ZNF236: variants seen among roughly 807,000 people sequenced by gnomAD.
ZNF236 encodes regulated by glucose.
In ZNF236, 50 loss-of-function variants were observed where a neutral mutation model predicts 191.2. That is an observed-to-expected ratio of 0.26 (90% CI 0.21 to 0.33). The LOEUF is 0.33. Among genes scored for constraint, ZNF236 ranks in the 10% least tolerant of loss-of-function variants. The probability of loss-of-function intolerance (pLI) is 1.00; values close to 1 mark genes in which losing one functional copy is unlikely to be tolerated. For missense variants in ZNF236, 1,754 were observed against 2,374.5 expected, an observed-to-expected ratio of 0.74 and a Z score of 5.43; for synonymous variants, 907 against 928.8, an observed-to-expected ratio of 0.98 and a Z score of 0.43.
rs1968027902 is a variant in ZNF236 at position 76,937,285 on chromosome 18, A to G, written c.4724A>G (p.Asp1575Gly). 6.2e-7 allele frequency: 1 copy of G among 1,614,008 alleles called. No homozygotes were observed. Among genetic ancestry groups the G allele is most frequent in the Non-Finnish European group, 8.5e-7 (1 of 1,180,042 alleles). Residue 1575 changes from aspartate to glycine, a missense_variant, in exon 26 of 31, where the codon GAT (aspartate) becomes GGT (glycine). Around this residue, in one of 5 missense-constraint regions of ZNF236, gnomAD observed 606 missense variants for 761.5 expected, o/e 0.80. Coordinates refer to ENST00000320610, the MANE Select transcript of ZNF236 (RefSeq NM_001306089.2). ...GDASVTLTLA[D>G]TQGMLSGGLD... ...GCTAGTGTCACGCTGACGCTGGCCG[A>G]TACTCAGGGTATGCTATCTGGAGGC...
At chr18:76,964,790 A>G (rs1295414014) in intron 30 of ZNF236, among the ~76,000 whole-genome samples, 4 of 152,248 alleles carry the variant, frequency 2.6e-5, no homozygotes, top group South Asian at 4.1e-4. Context: ...TTCCTGTTGG[A>G]CAACGCCTTT....
At chr18:76,963,799 A>G (rs1207574541) in intron 30 of ZNF236, among the ~76,000 whole-genome samples, 1 of 152,114 alleles carries the variant, frequency 6.6e-6, no homozygotes, top group African/African-American at 2.4e-5. Flanking sequence ...GATTTAAGCT[A>G]GGAGGGTTGT....
intron 12 of ZNF236, 69 bp downstream of exon 12, chr18:76,904,590 G>A: frequency 7.0e-7 from 1 of 1,426,770 alleles, no homozygotes; most frequent in Middle Eastern, 2.3e-4. Context: ...ATGACGTCTA[G>A]AAGTATTTAG....
chr18:76,908,630 C>T (rs1438948135), intron 14 of ZNF236, 57 bp downstream of exon 14: 1 of 1,551,830 alleles, frequency 6.4e-7, no homozygotes, highest in African/African-American at 1.4e-5. Flanking sequence ...TGCAGCCTTT[C>T]CCACTCATTG....
Position 76,937,192 on chromosome 18 carries a change from C to T in ZNF236, c.4631C>T (p.Thr1544Ile). 6.2e-7 allele frequency: 1 copy of T among 1,614,182 alleles called. No homozygotes were observed. Among genetic ancestry groups the T allele is most frequent in the Non-Finnish European group, 8.5e-7 (1 of 1,180,008 alleles). ...ACAAGCGGAAGCCTTCCTTCAACAA[C>T]ACCGATGTCTCCATCGGCCATCTCG... ...NTTSGSLPSTTPMSPSAISTQ... is the reference protein window; with the variant it reads ...NTTSGSLPSTIPMSPSAISTQ... The change falls in exon 26 of 31, where the codon ACA (threonine) becomes ATA (isoleucine). Residue 1544 changes from threonine to isoleucine, a missense_variant. Physicochemically the swap from Thr to Ile is moderately conservative, Grantham distance 89. Around this residue, in one of 5 missense-constraint regions of ZNF236, gnomAD observed 606 missense variants for 761.5 expected, o/e 0.80. Transcript: ENST00000320610.
Position 76,928,001 on chromosome 18 carries a change from C to T in ZNF236, c.4489C>T (p.Leu1497=). The change falls in exon 25 of 31, where the codon CTG becomes TTG. Residue 1497 remains leucine, a synonymous_variant. Coordinates refer to ENST00000320610, the MANE Select transcript of ZNF236 (RefSeq NM_001306089.2). ...SPSGGPHEIT[L]TINNSSLSQV... ...CTCCGGCGGTCCCCACGAGATCACCCTGACCATTAACAACTCCAGCCTGAG... is the reference window on the plus strand; with the variant it reads ...CTCCGGCGGTCCCCACGAGATCACCTTGACCATTAACAACTCCAGCCTGAG... 1.2e-6 allele frequency: 2 copies of T among 1,614,030 alleles called. No individual in the cohort carries two copies. The highest frequency in any genetic ancestry group is 1.1e-5 in the South Asian group (1 of 91,066).
At chr18:76,967,555 G>GT (rs376177012) in intron 30 of ZNF236, among the ~76,000 whole-genome samples, 1 of 73,962 alleles carries the variant, frequency 1.4e-5, no homozygotes, top group Non-Finnish European at 2.7e-5. Context: ...TTGTGATTTG[G>GT]TGTTGGAGGT....
chr18:76,853,026 A>G (rs763413456), intron 3 of ZNF236, among the ~76,000 whole-genome samples: 2 of 152,046 alleles, frequency 1.3e-5, no homozygotes, highest in Non-Finnish European at 2.9e-5. Flanking sequence ...ATTGTAAATC[A>G]GGGAGCACCT....
At chr18:76,926,014 C>G (rs928858587) in intron 22 of ZNF236, among the ~76,000 whole-genome samples, 1 of 152,268 alleles carries the variant, frequency 6.6e-6, no homozygotes, top group East Asian at 1.9e-4. Context: ...ACATGGCAGT[C>G]AGATGTCCTG....
rs759932345 is a variant in ZNF236, at chr18:76,880,350, G to A, written c.1188+34G>A. On this transcript the variant is annotated intron_variant, in intron 8 of 30. Coordinates refer to ENST00000320610, the MANE Select transcript of ZNF236 (RefSeq NM_001306089.2). This position sits in a 1 kb window ranked among gnomAD's most constrained non-coding sequence, Gnocchi z 5.0. ...CGCTTCCCTGCGGTGTGAGGCTTAC[G>A]TGCTCGTGCTGGGTCAGAAACCAGG... 1.8e-5 allele frequency: 29 copies of A among 1,569,184 alleles called. No individual in the cohort carries two copies. Among genetic ancestry groups the A allele is most frequent in the Non-Finnish European group, 2.4e-5 (28 of 1,151,420 alleles).
intron 1 of ZNF236, among the ~76,000 whole-genome samples, chr18:76,842,454 T>TTA: frequency 6.6e-6 from 1 of 151,492 alleles, no homozygotes; most frequent in Admixed American, 6.6e-5. Flanking sequence ...TTTTTTTTTT[T>TTA]AAGAAGTGAT....
At chr18:76,926,654 G>T (rs911310508) in intron 22 of ZNF236, among the ~76,000 whole-genome samples, 2 of 148,434 alleles carry the variant, frequency 1.3e-5, no homozygotes, top group African/African-American at 5.0e-5. Flanking sequence ...GGTATAAAGG[G>T]TGATTAGACT....
intron 3 of ZNF236, among the ~76,000 whole-genome samples, chr18:76,862,485 G>A (rs2122567571): frequency 6.6e-6 from 1 of 152,232 alleles, no homozygotes; most frequent in African/African-American, 2.4e-5. Context: ...GCATCCAGGA[G>A]GGGGATTCTC....
intron 3 of ZNF236, among the ~76,000 whole-genome samples, chr18:76,861,808 G>T (rs567276583): frequency 6.0e-4 from 92 of 152,284 alleles, no homozygotes; most frequent in Non-Finnish European, 1.0e-3. Context: ...GGCATCAGAG[G>T]TGGCGGACGG....
In ZNF236 at chr18:76,895,027, G is replaced by A. The variant is rs762423382; in HGVS notation, c.1432G>A (p.Glu478Lys). The A allele has an allele frequency of 5.0e-6, 8 of 1,609,820 alleles. No homozygotes were observed. In the East Asian group the frequency reaches 1.8e-4, roughly 36 times the overall value. ...TCCCTTCACAGGCTCCATCCGCGAG[G>A]AGAACGGCGTGCGCTGGCATGTGTG... Reference protein sequence around the residue: ...SPFLPGSIREENGVRWHVCPY... With the variant: ...SPFLPGSIREKNGVRWHVCPY... The change falls in exon 10 of 31, where the codon GAG (glutamate) becomes AAG (lysine). Residue 478 changes from glutamate (E) to lysine (K), a missense_variant. Physicochemically the swap from Glu to Lys is moderately conservative, Grantham distance 56. Transcript: ENST00000320610.
At chr18:76,838,710 A>G (rs1379007384) in intron 1 of ZNF236, among the ~76,000 whole-genome samples, 4 of 152,372 alleles carry the variant, frequency 2.6e-5, no homozygotes, top group African/African-American at 4.8e-5. Flanking sequence ...GTTATGTATT[A>G]TAGCACTTTA....
chr18:76,950,135 C>T (rs559617366), intron 27 of ZNF236, among the ~76,000 whole-genome samples: 10 of 152,122 alleles, frequency 6.6e-5, no homozygotes, highest in African/African-American at 2.2e-4. Flanking sequence ...TTGGGGTGGC[C>T]GTGACGATTT....
At chr18:76,929,547 C>A (rs776274894) in intron 25 of ZNF236, among the ~76,000 whole-genome samples, 2 of 152,070 alleles carry the variant, frequency 1.3e-5, no homozygotes, top group Non-Finnish European at 2.9e-5. Flanking sequence ...TGCCTCTGTT[C>A]TTCCTGTGTG....
chr18:76,919,928 C>G lies in ZNF236; in HGVS notation c.3427C>G (p.Gln1143Glu). The change falls in exon 20 of 31, where the codon CAG (glutamine) becomes GAG (glutamate). Residue 1143 changes from glutamine (Q) to glutamate (E), a missense_variant. Gln to Glu is a conservative substitution (Grantham distance 29). Coordinates refer to ENST00000320610, the MANE Select transcript of ZNF236 (RefSeq NM_001306089.2). The surrounding 1 kb of genome is among the most constrained non-coding windows in gnomAD (Gnocchi z 5.3). ...CACGGTGTCAGAGAAGGTCCTGGTG[C>G]AGTCCGCGGCAGAAAAGGACCGCAT... ...SATVSEKVLVQSAAEKDRISE... is the reference protein window; with the variant it reads ...SATVSEKVLVESAAEKDRISE... The G allele has an allele frequency of 6.2e-7, 1 of 1,614,200 alleles. No homozygotes were observed. Among genetic ancestry groups the G allele is most frequent in the Admixed American group, 1.7e-5 (1 of 60,038 alleles).
Sources: allele counts gnomAD v4.1 joint callset (sites outside exome capture counted in the v4.1 genomes callset), GRCh38; gene constraint gnomAD v4.1.1; regional missense constraint gnomAD v4.1.1; non-coding constraint Gnocchi (gnomAD v3.1); transcripts MANE v1.5; gene names NCBI Gene and HGNC (gene_info 2026-07-23, HGNC 2026-07-21).